Variants in OLFM3 observed in about 807,000 individuals in gnomAD.
The protein encoded by OLFM3 is noelin-3.
In OLFM3, 20 loss-of-function variants were observed where a neutral mutation model predicts 48.6. That is an observed-to-expected ratio of 0.41 (90% CI 0.29 to 0.60). OLFM3 has a LOEUF of 0.60. Among genes scored for constraint, OLFM3 ranks in the 20% least tolerant of loss-of-function variants. The pLI is 0.28. For missense variants in OLFM3, 437 were observed against 544.3 expected, an observed-to-expected ratio of 0.80 and a Z score of 1.96; for synonymous variants, 222 against 198.1, an observed-to-expected ratio of 1.12 and a Z score of -1.01.
chr1:101,818,766 C>T (rs1357017028), intron 4 of OLFM3, among the ~76,000 whole-genome samples: 1 of 152,256 alleles, frequency 6.6e-6, no homozygotes, highest in Admixed American at 6.5e-5. Context: ...TTTCCTTCCC[C>T]CCAAAAGCTT....
intron 4 of OLFM3, chr1:101,812,571 G>C (rs1654119297): frequency 1.0e-6 from 1 of 985,348 alleles, no homozygotes; most frequent in Non-Finnish European, 1.2e-6. Context: ...ATCATACCAT[G>C]AGCCTTATCT....
chr1:101,930,511 G>A lies in OLFM3; in HGVS notation c.69+66237C>T, dbSNP rs146925825. ...CTTTTGAATAAAATGCACTTCATAA[G>A]TGTTTTTTACAAGATTTTCTCATTA... On this transcript the variant is annotated intron_variant, in intron 1 of 5. Transcript: ENST00000370103. Among the ~76,000 whole-genome samples the A allele has an allele frequency of 9.0e-3, 1,371 of 152,210 alleles. 26 individuals are homozygous for A. Among genetic ancestry groups the A allele is most frequent in the African/African-American group, 0.032 (1,311 of 41,546 alleles).
At chr1:101,974,129 A>C (rs1660885093) in intron 1 of OLFM3, among the ~76,000 whole-genome samples, 1 of 151,914 alleles carries the variant, frequency 6.6e-6, no homozygotes, top group Admixed American at 6.6e-5. Flanking sequence ...ACACTAACAA[A>C]AAATTTAGTG....
intron 1 of OLFM3, among the ~76,000 whole-genome samples, chr1:101,917,550 G>A (rs1463713602): frequency 6.6e-6 from 1 of 152,046 alleles, no homozygotes; most frequent in East Asian, 1.9e-4. Flanking sequence ...CTGAGTAGCT[G>A]AGATAACAGG....
At chr1:101,930,146 TGAA>T (rs1264738270) in intron 1 of OLFM3, among the ~76,000 whole-genome samples, 1 of 152,196 alleles carries the variant, frequency 6.6e-6, no homozygotes, top group Non-Finnish European at 1.5e-5. Context: ...GAGGGACTGC[TGAA>T]ATCTCTTCAG....
chr1:101,822,239 A>C (rs1308707699), intron 4 of OLFM3, among the ~76,000 whole-genome samples: 4 of 152,166 alleles, frequency 2.6e-5, no homozygotes, highest in Admixed American at 1.3e-4. Context: ...TAGGTAAACC[A>C]GACAGAATAC....
chr1:101,971,328 T>C lies in OLFM3; in HGVS notation c.69+25420A>G, dbSNP rs898332903. On this transcript the variant is annotated intron_variant, in intron 1 of 5. Transcript: ENST00000370103. ...GAAGGTGGAAGATACTTGGAATAGTTTTTGCATTGGAATTTGGGGTGGCCC... is the reference window on the plus strand; with the variant it reads ...GAAGGTGGAAGATACTTGGAATAGTCTTTGCATTGGAATTTGGGGTGGCCC... Among the ~76,000 whole-genome samples, 3 of 152,162 alleles carry C rather than the reference T, an allele frequency of 2.0e-5. No homozygotes were observed. The East Asian group carries it at 5.8e-4, about 29-fold the overall frequency.
At chr1:101,993,069 AGTATGACTCATC>A (rs2101124436) in intron 1 of OLFM3, among the ~76,000 whole-genome samples, 1 of 152,300 alleles carries the variant, frequency 6.6e-6, no homozygotes, top group East Asian at 1.9e-4. Context: ...TTATGAGACA[AGTATGACTCATC>A]TAAAGTTTAG....
chr1:101,955,525 T>C (rs1397101963), intron 1 of OLFM3, among the ~76,000 whole-genome samples: 1 of 151,642 alleles, frequency 6.6e-6, no homozygotes, highest in Non-Finnish European at 1.5e-5. Context: ...ATACTGCTAA[T>C]GCCCATCCAT....
intron 1 of OLFM3, among the ~76,000 whole-genome samples, chr1:101,910,364 G>A (rs888171481): frequency 7.2e-5 from 11 of 151,936 alleles, no homozygotes; most frequent in African/African-American, 2.7e-4. Flanking sequence ...TGCTCAGGAG[G>A]CTGAGGCCAG....
chr1:101,825,694 C>A (rs188092384), intron 3 of OLFM3, among the ~76,000 whole-genome samples: 3 of 152,230 alleles, frequency 2.0e-5, no homozygotes, highest in African/African-American at 7.2e-5. Context: ...GTCTAATCAT[C>A]CACCTACTAA....
chr1:101,865,128 CATTTGT>C (rs1186253914), intron 1 of OLFM3, among the ~76,000 whole-genome samples: 1 of 152,092 alleles, frequency 6.6e-6, no homozygotes, highest in East Asian at 1.9e-4. Flanking sequence ...TTCCCTCAGC[CATTTGT>C]ACCATGGACT....
intron 1 of OLFM3, among the ~76,000 whole-genome samples, chr1:101,873,195 G>A (rs1050128957): frequency 2.6e-5 from 4 of 151,858 alleles, no homozygotes; most frequent in South Asian, 2.1e-4. Flanking sequence ...GAAGAGTGCC[G>A]TGTCCCTTTA....
intron 1 of OLFM3, among the ~76,000 whole-genome samples, chr1:101,857,068 A>G (rs1321539949): frequency 6.6e-6 from 1 of 152,026 alleles, no homozygotes; most frequent in Non-Finnish European, 1.5e-5. Flanking sequence ...GATAAAATGT[A>G]AGTCATAGGG....
intron 1 of OLFM3, among the ~76,000 whole-genome samples, chr1:101,894,264 T>C (rs542330449): frequency 6.6e-6 from 1 of 152,254 alleles, no homozygotes; most frequent in Admixed American, 6.5e-5. Context: ...TGGCAACAAA[T>C]AGTTTTAAAT....
chr1:101,889,377 T>C (rs568376606), intron 1 of OLFM3, among the ~76,000 whole-genome samples: 178 of 152,252 alleles, frequency 1.2e-3, no homozygotes, highest in African/African-American at 3.0e-3. Flanking sequence ...CTGGAAGCCA[T>C]CATTCTGAGC....
intron 2 of OLFM3, among the ~76,000 whole-genome samples, chr1:101,833,411 A>G (rs1264078101): frequency 6.6e-6 from 1 of 152,206 alleles, no homozygotes; most frequent in Non-Finnish European, 1.5e-5. Context: ...CTGGCTATAG[A>G]GGCCTACAGA....
chr1:101,843,296 G>A (rs1453915890), intron 1 of OLFM3, among the ~76,000 whole-genome samples: 3 of 152,160 alleles, frequency 2.0e-5, no homozygotes, highest in Non-Finnish European at 2.9e-5. Context: ...TGAGAACAGC[G>A]GGTGTCTGCT....
intron 1 of OLFM3, among the ~76,000 whole-genome samples, chr1:101,907,242 C>A (rs1218960216): frequency 6.6e-6 from 1 of 152,178 alleles, no homozygotes; most frequent in African/African-American, 2.4e-5. Flanking sequence ...AAGTTTTCAT[C>A]TCTGTAGAGA....
Sources: gnomAD v4.1 joint callset for allele counts (sites outside exome capture counted in the v4.1 genomes callset) on GRCh38, gnomAD v4.1.1 for gene constraint, MANE v1.5 for transcripts, NCBI Gene and HGNC (gene_info 2026-07-23, HGNC 2026-07-21) for gene names.